Variants in FMN2 observed in about 807,000 individuals in gnomAD.
FMN2 encodes the protein formin 2.
A neutral mutation model predicts 142.3 loss-of-function variants in FMN2; 51 were observed. The ratio of observed to expected loss-of-function variants is 0.36; its 90% CI spans 0.29 to 0.45. FMN2 has a LOEUF of 0.45. Among genes scored for constraint, FMN2 ranks in the 20% least tolerant of loss-of-function variants. The pLI is 1.00. For missense variants in FMN2, 1,936 were observed against 2,122.8 expected, an observed-to-expected ratio of 0.91 and a Z score of 1.73; for synonymous variants, 882 against 869.8, an observed-to-expected ratio of 1.01 and a Z score of -0.25.
At chr1:240,161,899 T>A (rs542447047) in intron 2 of FMN2, among the ~76,000 whole-genome samples, 3 of 152,224 alleles carry the variant, frequency 2.0e-5, no homozygotes, top group African/African-American at 7.2e-5. Context: ...TTGTTGCTTA[T>A]GGAGTAGGCA....
intron 13 of FMN2, among the ~76,000 whole-genome samples, chr1:240,340,206 T>C (rs1273095321): frequency 6.6e-6 from 1 of 152,190 alleles, no homozygotes; most frequent in Non-Finnish European, 1.5e-5. Flanking sequence ...TTTAAATAAT[T>C]ACTGTGCTAT....
intron 3 of FMN2, among the ~76,000 whole-genome samples, chr1:240,184,244 T>TTTTTTC (rs1449675747): frequency 7.4e-5 from 10 of 135,612 alleles, no homozygotes; most frequent in Non-Finnish European, 1.4e-4. Context: ...ACCTTTTTTT[T>TTTTTTC]TTTTTTTTTT....
intron 4 of FMN2, among the ~76,000 whole-genome samples, chr1:240,194,770 T>A (rs1665850068): frequency 6.6e-6 from 1 of 152,200 alleles, no homozygotes; most frequent in African/African-American, 2.4e-5. Flanking sequence ...TATGTTAATG[T>A]TTGCTCAAGC....
chr1:240,179,600 C>A (rs1241436045), intron 3 of FMN2: 1 of 152,204 alleles, frequency 6.6e-6, no homozygotes, highest in Non-Finnish European at 1.5e-5. Context: ...GGCAGACTTC[C>A]TTTAAGCAAA....
At chr1:240,201,331 T>C (rs529191323) in intron 4 of FMN2, among the ~76,000 whole-genome samples, 16 of 152,318 alleles carry the variant, frequency 1.1e-4, no homozygotes, top group African/African-American at 3.8e-4. Flanking sequence ...AAAGTGAACT[T>C]GTTAATCATG....
At chr1:240,401,466 T>C (rs941532975) in intron 15 of FMN2, among the ~76,000 whole-genome samples, 3 of 152,202 alleles carry the variant, frequency 2.0e-5, no homozygotes, top group Non-Finnish European at 2.9e-5. Flanking sequence ...TCTATGAATA[T>C]ATCAAAAGGT....
intron 16 of FMN2, among the ~76,000 whole-genome samples, chr1:240,447,773 C>T (rs561525710): frequency 1.3e-5 from 2 of 152,180 alleles, no homozygotes; most frequent in Admixed American, 6.5e-5. Flanking sequence ...GTACAAAATG[C>T]CCTAAACTTA....
intron 13 of FMN2, among the ~76,000 whole-genome samples, chr1:240,335,646 G>T (rs555111584): frequency 2.6e-4 from 40 of 152,240 alleles, no homozygotes; most frequent in South Asian, 1.7e-3. Context: ...AGCGGAATGG[G>T]TGACCCTATT....
At chr1:240,301,792 T>G (rs977974108) in intron 8 of FMN2, among the ~76,000 whole-genome samples, 1 of 151,930 alleles carries the variant, frequency 6.6e-6, no homozygotes, top group African/African-American at 2.4e-5. Flanking sequence ...TGCCTTTAGG[T>G]TTTTCTTTTT....
intron 7 of FMN2, among the ~76,000 whole-genome samples, chr1:240,261,527 T>C (rs770087988): frequency 1.3e-5 from 2 of 152,224 alleles, no homozygotes; most frequent in Admixed American, 6.5e-5. Context: ...GTAATGTTTA[T>C]ATTTCAAAGT....
intron 8 of FMN2, among the ~76,000 whole-genome samples, chr1:240,307,304 T>G (rs1598676): frequency 0.23 from 34,463 of 152,066 alleles, 7,001 homozygotes; most frequent in African/African-American, 0.55. Context: ...TAGGGTTTCA[T>G]CATAAATGTT....
intron 2 of FMN2, among the ~76,000 whole-genome samples, chr1:240,141,167 C>G (rs537983735): frequency 4.6e-5 from 7 of 152,178 alleles, no homozygotes; most frequent in Admixed American, 1.3e-4. Context: ...ACTTCTGGGT[C>G]AGGTGAATGT....
chr1:240,200,618 T>G (rs1344589500), intron 4 of FMN2, among the ~76,000 whole-genome samples: 1 of 152,134 alleles, frequency 6.6e-6, no homozygotes. Flanking sequence ...GAGATGCGCT[T>G]AGTTGCTCTG....
chr1:240,180,647 A>G (rs1572027684), intron 3 of FMN2, among the ~76,000 whole-genome samples: 1 of 148,614 alleles, frequency 6.7e-6, no homozygotes, highest in Admixed American at 6.8e-5. Flanking sequence ...GCTCACTGCA[A>G]CCTCCGCCTC....
In FMN2 at chr1:240,092,441, C is replaced by A. The variant is rs1260180722; in HGVS notation, c.332C>A (p.Ala111Asp). ...QALQTGELDSAHSLLTKTPDL... is the reference protein window; with the variant it reads ...QALQTGELDSDHSLLTKTPDL... Reference sequence around the variant, plus strand: ...CTGCAGACCGGGGAGCTGGACAGCGCTCACTCCCTGCTCACCAAGACTCCA... The same window carrying A: ...CTGCAGACCGGGGAGCTGGACAGCGATCACTCCCTGCTCACCAAGACTCCA... Residue 111 changes from alanine (A) to aspartate (D), a missense_variant, in exon 1 of 18, where the codon GCT (alanine) becomes GAT (aspartate). Physicochemically the swap from Ala to Asp is moderately radical, Grantham distance 126. Transcript: ENST00000319653. The A allele has an allele frequency of 1.2e-6, 2 of 1,610,838 alleles. No individual in the cohort carries two copies. Among genetic ancestry groups the A allele is most frequent in the Middle Eastern group, 1.7e-4 (1 of 6,056 alleles).
intron 8 of FMN2, among the ~76,000 whole-genome samples, chr1:240,312,111 C>T (rs748460215): frequency 3.9e-4 from 59 of 152,144 alleles, no homozygotes; most frequent in Non-Finnish European, 6.8e-4. Context: ...TTTTTGTAGG[C>T]GGGTAGGTTC....
intron 6 of FMN2, among the ~76,000 whole-genome samples, chr1:240,229,389 T>C: frequency 6.6e-6 from 1 of 152,112 alleles, no homozygotes; most frequent in East Asian, 1.9e-4. Context: ...TCACGTGCTG[T>C]GATGTTTGAT....
intron 16 of FMN2, 122 bp downstream of exon 16, chr1:240,438,332 A>G (rs2356387): frequency 0.27 from 282,251 of 1,057,510 alleles, 41,052 homozygotes; most frequent in African/African-American, 0.41. Context: ...CCGGGGTAGC[A>G]AGTTGAAGAG....
intron 15 of FMN2, among the ~76,000 whole-genome samples, chr1:240,430,828 C>T (rs1300062877): frequency 6.6e-6 from 1 of 151,738 alleles, no homozygotes; most frequent in East Asian, 1.9e-4. Context: ...TATACCAATA[C>T]CATACTCTAT....
Sources: gnomAD v4.1 joint callset for allele counts (sites outside exome capture counted in the v4.1 genomes callset) on GRCh38, gnomAD v4.1.1 for gene constraint, MANE v1.5 for transcripts, NCBI Gene and HGNC (gene_info 2026-07-23, HGNC 2026-07-21) for gene names.